The following CYTH3 variants were observed in gnomAD, a reference collection of about 807,000 sequenced individuals.
CYTH3 encodes cytohesin 3, also known as cytohesin-3.
A neutral mutation model predicts 55.1 loss-of-function variants in CYTH3; 23 were observed. That is an observed-to-expected ratio of 0.42 (90% CI 0.30 to 0.59). The LOEUF is 0.59. CYTH3 is among the 20% of genes least tolerant of loss of function. The pLI, the probability that CYTH3 is intolerant of heterozygous loss-of-function variation, is 0.20. For synonymous variants in CYTH3, 249 were observed against 194.9 expected, an observed-to-expected ratio of 1.28 and a Z score of -2.31; for missense variants, 413 against 524.8, an observed-to-expected ratio of 0.79 and a Z score of 2.08.
chr7:6,189,699 G>C (rs1783749699), intron 2 of CYTH3, among the ~76,000 whole-genome samples: 1 of 152,038 alleles, frequency 6.6e-6, no homozygotes, highest in Non-Finnish European at 1.5e-5. Context: ...AAGGGCATCT[G>C]AGAGCCAAAA....
chr7:6,247,102 C>A (rs980261674), intron 1 of CYTH3, among the ~76,000 whole-genome samples: 7 of 152,288 alleles, frequency 4.6e-5, no homozygotes, highest in African/African-American at 1.7e-4. Context: ...AGGGTGAGCT[C>A]CCACTGAAGG....
intron 6 of CYTH3, chr7:6,172,685 G>T: frequency 9.4e-7 from 1 of 1,058,984 alleles, no homozygotes; most frequent in Non-Finnish European, 1.2e-6. Flanking sequence ...GAAAGAAATG[G>T]AGTCACAGCT....
At position 6,165,636 on chromosome 7, in the gene CYTH3, G is replaced by T; in HGVS notation, c.901-20C>A. 1 of 1,613,382 alleles carries T rather than the reference G, an allele frequency of 6.2e-7. No individual in the cohort carries two copies. The highest frequency in any genetic ancestry group is 1.3e-5 in the African/African-American group (1 of 75,020). On this transcript the variant is annotated intron_variant, in intron 10 of 12. Coordinates refer to ENST00000350796, the MANE Select transcript of CYTH3 (RefSeq NM_004227.4). The stretch of plus-strand genomic sequence containing the variant: ...CTTATCCTACAAGAGGAAAGTACAC[G>T]GCGGGGCTCACTGTGGGTCACCAGC...
At chr7:6,262,824 C>T (rs998584808) in intron 1 of CYTH3, among the ~76,000 whole-genome samples, 1 of 152,192 alleles carries the variant, frequency 6.6e-6, no homozygotes, top group African/African-American at 2.4e-5. Context: ...GAGGCTGAGG[C>T]AGGAGGACTG....
intron 1 of CYTH3, among the ~76,000 whole-genome samples, chr7:6,209,383 T>C (rs961902325): frequency 6.6e-6 from 1 of 152,226 alleles, no homozygotes; most frequent in Non-Finnish European, 1.5e-5. Flanking sequence ...GTAATAGACA[T>C]TGAGACTTTC....
chr7:6,267,063 T>C (rs1459725866), intron 1 of CYTH3, among the ~76,000 whole-genome samples: 1 of 152,144 alleles, frequency 6.6e-6, no homozygotes, highest in Non-Finnish European at 1.5e-5. Context: ...GATCTGGTCG[T>C]TTAAGGGCGT....
At chr7:6,230,584 T>G (rs1779366594) in intron 1 of CYTH3, among the ~76,000 whole-genome samples, 2 of 152,016 alleles carry the variant, frequency 1.3e-5, no homozygotes, top group African/African-American at 4.8e-5. Flanking sequence ...GTGAAAAAAA[T>G]GTAAGAGACC....
intron 1 of CYTH3, among the ~76,000 whole-genome samples, chr7:6,250,502 A>C (rs1449190742): frequency 1.3e-5 from 2 of 152,194 alleles, no homozygotes; most frequent in African/African-American, 4.8e-5. Context: ...AGAAGCACAG[A>C]CACTGACACT....
rs113310471 is a variant in CYTH3 at position 6,162,474 on chromosome 7, C to CA, written c.*2469dup. 2 of 152,158 alleles carry CA rather than the reference C, an allele frequency of 1.3e-5. No individual in the cohort carries two copies. The highest frequency in any genetic ancestry group is 2.4e-5 in the African/African-American group (1 of 41,402). The allele number at this position is 152,158 out of a possible 1,614,324, so 9.4% of individuals were successfully genotyped here. ...GACGCGGCCTGCCCAGGGTGAGGGACAAAAAACAGATGTGTCCTGTTTCAG... is the reference window on the plus strand; with the variant it reads ...GACGCGGCCTGCCCAGGGTGAGGGACAAAAAAACAGATGTGTCCTGTTTCAG... On this transcript the variant is annotated 3_prime_UTR_variant, in exon 13 of 13. Transcript: ENST00000350796.
In CYTH3 at chr7:6,221,333, T is replaced by C. The variant is rs112571759; in HGVS notation, c.35-30802A>G. Among the ~76,000 whole-genome samples, 25 of 152,352 alleles carry C rather than the reference T, an allele frequency of 1.6e-4. No individual in the cohort carries two copies. The Middle Eastern group carries it at 0.01, about 62-fold the overall frequency. On this transcript the variant is annotated intron_variant, in intron 1 of 12. Coordinates refer to ENST00000350796, the MANE Select transcript of CYTH3 (RefSeq NM_004227.4). ...ACCCCAGTCTGAAAAGGTTACATAT[T>C]ATATAATTTGATGTATGTGACATTT...
intron 12 of CYTH3, 67 bp downstream of exon 12, chr7:6,165,206 G>A (rs1271111496): frequency 1.9e-6 from 3 of 1,572,086 alleles, no homozygotes; most frequent in East Asian, 2.2e-5. Flanking sequence ...CCATGTTCCA[G>A]ACCATCCCCC....
intron 1 of CYTH3, among the ~76,000 whole-genome samples, chr7:6,232,236 A>G (rs1779406337): frequency 6.6e-6 from 1 of 152,148 alleles, no homozygotes; most frequent in African/African-American, 2.4e-5. Flanking sequence ...TGGTTCTCCA[A>G]TCTTGGGAGT....
At chr7:6,194,005 A>AG (rs1783861952) in intron 1 of CYTH3, among the ~76,000 whole-genome samples, 1 of 152,158 alleles carries the variant, frequency 6.6e-6, no homozygotes, top group Admixed American at 6.5e-5. Flanking sequence ...TAATGATCTG[A>AG]GGGGCAGACA....
In CYTH3 at chr7:6,259,829, TATA is replaced by T. The variant is rs375346578; in HGVS notation, c.34+12642_34+12644del. Among the ~76,000 whole-genome samples the T allele has an allele frequency of 1.1e-3, 23 of 21,784 alleles. 2 individuals are homozygous for T. Among genetic ancestry groups the T allele is most frequent in the East Asian group, 3.1e-3 (2 of 646 alleles). The allele number at this position is 21,784 out of a possible 152,430, so 14.3% of individuals were successfully genotyped here. A position where few individuals can be genotyped will look rare whatever the true frequency, so the allele number is the denominator to read the frequency against. On this transcript the variant is annotated intron_variant, in intron 1 of 12. Transcript: ENST00000350796. The stretch of plus-strand genomic sequence containing the variant: ...TATATATATAATATATATATATATA[TATA>T]TTTTTTTTTTTTTTTAAGACGGATT...
At chr7:6,227,458 A>T (rs1283640784) in intron 1 of CYTH3, among the ~76,000 whole-genome samples, 1 of 152,080 alleles carries the variant, frequency 6.6e-6, no homozygotes, top group African/African-American at 2.4e-5. Context: ...TTCCTGATTT[A>T]AAAAAAATCA....
chr7:6,259,046 A>G (rs1780208011), intron 1 of CYTH3, among the ~76,000 whole-genome samples: 1 of 152,218 alleles, frequency 6.6e-6, no homozygotes, highest in Non-Finnish European at 1.5e-5. Flanking sequence ...CTCAAAGAGC[A>G]TGTGTTTCAT....
At chr7:6,236,102 G>C (rs1009635201) in intron 1 of CYTH3, among the ~76,000 whole-genome samples, 2 of 152,110 alleles carry the variant, frequency 1.3e-5, no homozygotes, top group Non-Finnish European at 2.9e-5. Flanking sequence ...GATTACATCC[G>C]AAAGGATGAA....
At position 6,170,088 on chromosome 7, in the gene CYTH3, A is replaced by T. The variant is rs905497384; in HGVS notation, c.823+447T>A. The T allele has an allele frequency of 5.4e-5, 9 of 167,904 alleles. No homozygotes were observed. Among genetic ancestry groups the T allele is most frequent in the Admixed American group, 1.2e-4 (2 of 16,688 alleles). 10.4% of individuals were successfully genotyped at this position (167,904 alleles called of 1,614,324 possible). A position where few individuals can be genotyped will look rare whatever the true frequency, so the allele number is the denominator to read the frequency against. The stretch of plus-strand genomic sequence containing the variant: ...CCACTGGGTACCTACCTCCTAAAGC[A>T]GGACAAGCAGGGACAGCCCGTCACA... On this transcript the variant is annotated intron_variant, in intron 9 of 12. Coordinates refer to ENST00000350796, the MANE Select transcript of CYTH3 (RefSeq NM_004227.4). The surrounding 1 kb of genome is among the most constrained non-coding windows in gnomAD (Gnocchi z 7.8).
intron 2 of CYTH3, among the ~76,000 whole-genome samples, chr7:6,190,051 A>G (rs1226379443): frequency 3.9e-5 from 6 of 152,168 alleles, no homozygotes; most frequent in African/African-American, 1.4e-4. Context: ...AGCAAAAAGA[A>G]AAAAACAAAC....
Sources: allele counts gnomAD v4.1 joint callset (sites outside exome capture counted in the v4.1 genomes callset), GRCh38; gene constraint gnomAD v4.1.1; non-coding constraint Gnocchi (gnomAD v3.1); transcripts MANE v1.5; gene names NCBI Gene and HGNC (gene_info 2026-07-23, HGNC 2026-07-21).